The following NTAQ1 variants were observed in gnomAD, a reference collection of about 807,000 sequenced individuals.
NTAQ1 encodes the protein protein N-terminal glutamine amidohydrolase.
NTAQ1 carries 21 observed loss-of-function variants against 28.2 expected under a neutral mutation model. The ratio of observed to expected loss-of-function variants is 0.74; its 90% CI spans 0.53 to 1.07. The LOEUF (loss-of-function observed/expected upper bound fraction) is 1.07, where lower values mean the gene tolerates loss of function less well. NTAQ1 is among the 50% of genes least tolerant of loss of function. The pLI is 0.00. For missense variants in NTAQ1, 264 were observed against 256.6 expected (o/e 1.03, Z -0.20); for synonymous variants, 105 against 90.0 (o/e 1.17, Z -0.94).
At chr8:123,471,155 T>A (rs565427997), downstream of NTAQ1, among the ~76,000 whole-genome samples, 1 of 152,062 alleles carries the variant, frequency 6.6e-6, no homozygotes, top group Non-Finnish European at 1.5e-5. Context: ...GGTCTCGAAC[T>A]GCTGGGCTCA....
chr8:123,446,140 C>T (rs534327622), downstream of NTAQ1, among the ~76,000 whole-genome samples: 56 of 151,924 alleles, frequency 3.7e-4, 2 homozygotes, highest in South Asian at 0.011. Flanking sequence ...ATTACAGGTG[C>T]GCTACCACAC....
chr8:123,447,851 C>G (rs898458524), intron 6 of NTAQ1, among the ~76,000 whole-genome samples: 5 of 152,248 alleles, frequency 3.3e-5, no homozygotes, highest in Non-Finnish European at 7.3e-5. Context: ...CTGTAGTTTG[C>G]TGTCCCTTGT....
At chr8:123,474,157 A>G (rs753842498), downstream of NTAQ1, among the ~76,000 whole-genome samples, 2 of 152,228 alleles carry the variant, frequency 1.3e-5, no homozygotes, top group African/African-American at 2.4e-5. Context: ...CATTGCTACA[A>G]TACTATTAAG....
intron 6 of NTAQ1, among the ~76,000 whole-genome samples, chr8:123,463,960 A>C (rs1815899813): frequency 6.6e-6 from 1 of 152,128 alleles, no homozygotes; most frequent in African/African-American, 2.4e-5. Flanking sequence ...GATAGTGAAT[A>C]CATCTCACGA....
chr8:123,466,044 G>A (rs1290694875), intron 6 of NTAQ1, among the ~76,000 whole-genome samples: 1 of 152,168 alleles, frequency 6.6e-6, no homozygotes, highest in Non-Finnish European at 1.5e-5. Flanking sequence ...GGGAGGGTGA[G>A]AGGAAGCCAA....
In NTAQ1 at chr8:123,437,195, T is replaced by C; in HGVS notation, c.384-15T>C. On this transcript the variant is annotated splice_polypyrimidine_tract_variant and intron_variant, in intron 4 of 5. Transcript: ENST00000287387. ...GACATCTCCCTAATGTGAGTGTATA[T>C]TGATTTTTCTGCAGGAAATTTAGAG... 1 of 1,613,548 alleles carries C rather than the reference T, an allele frequency of 6.2e-7. No individual in the cohort carries two copies. The highest frequency in any genetic ancestry group is 1.1e-5 in the South Asian group (1 of 90,950).
chr8:123,446,671 G>A (rs1207003209), downstream of NTAQ1, among the ~76,000 whole-genome samples: 2 of 152,076 alleles, frequency 1.3e-5, no homozygotes, highest in Admixed American at 6.6e-5. Flanking sequence ...TCCACTCATC[G>A]GAGCCGTATC....
Position 123,418,616 on chromosome 8 carries a change from G to A in NTAQ1, c.83+1684G>A, listed in dbSNP as rs537870114. On this transcript the variant is annotated intron_variant, in intron 1 of 5. Coordinates refer to ENST00000287387, the MANE Select transcript of NTAQ1 (RefSeq NM_018024.3). ...TTGAAAAGAGATCTGAAAAAAGAGGGTGGGAGCTTTGCAACTATTGGAGGA... is the reference window on the plus strand; with the variant it reads ...TTGAAAAGAGATCTGAAAAAAGAGGATGGGAGCTTTGCAACTATTGGAGGA... Among the ~76,000 whole-genome samples, 7 of 152,280 alleles carry A rather than the reference G, an allele frequency of 4.6e-5. No homozygotes were observed. In the South Asian group the frequency reaches 1.5e-3, roughly 32 times the overall value.
Position 123,441,608 on chromosome 8 carries a change from T to C in NTAQ1, c.*193T>C, listed in dbSNP as rs1815073975. On this transcript the variant is annotated 3_prime_UTR_variant, in exon 6 of 6. Coordinates refer to ENST00000287387, the MANE Select transcript of NTAQ1 (RefSeq NM_018024.3). ...AAAACTTTTGTTTTGACATGTCAAATTGAAACTTGATAAAGTGCGTACTTG... is the reference window on the plus strand; with the variant it reads ...AAAACTTTTGTTTTGACATGTCAAACTGAAACTTGATAAAGTGCGTACTTG... 3.3e-6 allele frequency: 2 copies of C among 601,728 alleles called. No individual in the cohort carries two copies. The highest frequency in any genetic ancestry group is 4.4e-5 in the South Asian group (2 of 45,514). The allele number at this position is 601,728 out of a possible 1,614,324, so 37.3% of individuals were successfully genotyped here.
In NTAQ1 at chr8:123,416,912, C is replaced by T. The variant is rs1183515119; in HGVS notation, c.63C>T (p.Cys21=). The change falls in exon 1 of 6, where the codon TGC becomes TGT. Residue 21 remains cysteine (C), a synonymous_variant. Transcript: ENST00000287387. ...YQPASPPRDA[C]VYSSCYCEEN... ...CGGCCAGCCCCCCGCGGGACGCCTG[C>T]GTCTACAGCAGCTGCTACTGGTGAG... The T allele has an allele frequency of 6.6e-7, 1 of 1,520,694 alleles. No individual in the cohort carries two copies. The highest frequency in any genetic ancestry group is 8.8e-7 in the Non-Finnish European group (1 of 1,134,948). 94.2% of individuals were successfully genotyped at this position (1,520,694 alleles called of 1,614,324 possible).
chr8:123,473,993 GTGAACATATT>G (rs748678662), downstream of NTAQ1, among the ~76,000 whole-genome samples: 10 of 151,892 alleles, frequency 6.6e-5, no homozygotes, highest in Non-Finnish European at 1.3e-4. Flanking sequence ...TATTTGACTT[GTGAACATATT>G]TGTTATTTTA....
chr8:123,473,182 T>C (rs969036926), downstream of NTAQ1, among the ~76,000 whole-genome samples: 6 of 152,138 alleles, frequency 3.9e-5, no homozygotes, highest in African/African-American at 1.2e-4. Flanking sequence ...TGTAAGAAAG[T>C]GTCTGGGAAA....
Position 123,416,782 on chromosome 8 carries a change from C to T in NTAQ1, c.-68C>T, listed in dbSNP as rs925609071. On this transcript the variant is annotated 5_prime_UTR_variant, in exon 1 of 6. Coordinates refer to ENST00000287387, the MANE Select transcript of NTAQ1 (RefSeq NM_018024.3). ...GGGAACCCACGCGGGCCACTACAAGCCCGCCCTTTCCTACGTCTGGTCCAG... is the reference window on the plus strand; with the variant it reads ...GGGAACCCACGCGGGCCACTACAAGTCCGCCCTTTCCTACGTCTGGTCCAG... The T allele has an allele frequency of 6.9e-7, 1 of 1,450,894 alleles. No individual in the cohort carries two copies. 89.9% of individuals were successfully genotyped at this position (1,450,894 alleles called of 1,614,324 possible). A position where few individuals can be genotyped will look rare whatever the true frequency, so the allele number is the denominator to read the frequency against.
chr8:123,469,692 A>G (rs528624540), exon 7 of NTAQ1, among the ~76,000 whole-genome samples: 64 of 152,356 alleles, frequency 4.2e-4, no homozygotes, highest in African/African-American at 1.5e-3. Context: ...TTCAAATGCC[A>G]TCAATGCCAA....
intron 1 of NTAQ1, among the ~76,000 whole-genome samples, chr8:123,425,978 T>A (rs190100528): frequency 2.0e-5 from 3 of 152,124 alleles, no homozygotes; most frequent in African/African-American, 7.2e-5. Flanking sequence ...GAGCTGAGAT[T>A]GTGTCACTGC....
chr8:123,451,810 G>C (rs1433877117), downstream of NTAQ1, among the ~76,000 whole-genome samples: 4 of 152,202 alleles, frequency 2.6e-5, no homozygotes, highest in Non-Finnish European at 4.4e-5. Flanking sequence ...GGAACATCAA[G>C]TCCGCCACTC....
chr8:123,427,358 T>C (rs1814123618), intron 1 of NTAQ1, among the ~76,000 whole-genome samples: 1 of 144,964 alleles, frequency 6.9e-6, no homozygotes, highest in Non-Finnish European at 1.5e-5. Context: ...GTTCGAGCAA[T>C]TCTCCTGCCT....
chr8:123,444,055 C>CT (rs398068230), downstream of NTAQ1, among the ~76,000 whole-genome samples: 4,163 of 132,920 alleles, frequency 0.031, 186 homozygotes, highest in African/African-American at 0.11. Context: ...TAAACTTTTT[C>CT]TTTTTTTTTT....
In NTAQ1 at chr8:123,441,332, A is replaced by G. The variant is rs373461052; in HGVS notation, c.535A>G (p.Ile179Val). 3 of 1,611,420 alleles carry G rather than the reference A, an allele frequency of 1.9e-6. No homozygotes were observed. The highest frequency in any genetic ancestry group is 2.2e-5 in the East Asian group (1 of 44,778). The stretch of plus-strand genomic sequence containing the variant: ...TTCCAAAATGAACCTGAACGATTTC[A>G]TCAGTATGGATCCCAAGGTAGGATG... ...GDSKMNLNDF[I>V]SMDPKVGWGA... The change falls in exon 6 of 6, where the codon ATC becomes GTC. Residue 179 changes from isoleucine (I) to valine (V), a missense_variant. By Grantham distance (29) the Ile-to-Val change is conservative. Transcript: ENST00000287387.
Sources: gnomAD v4.1 joint callset for allele counts (sites outside exome capture counted in the v4.1 genomes callset) on GRCh38, gnomAD v4.1.1 for gene constraint, MANE v1.5 for transcripts, NCBI Gene and HGNC (gene_info 2026-07-23, HGNC 2026-07-21) for gene names.